Variants in CCDC73 observed in about 807,000 individuals in gnomAD.
CCDC73 encodes the protein coiled-coil domain containing 73.
CCDC73 carries 95 observed loss-of-function variants against 116.5 expected under a neutral mutation model. The ratio of observed to expected loss-of-function variants is 0.82; its 90% CI spans 0.69 to 0.97. The LOEUF (loss-of-function observed/expected upper bound fraction) is 0.97. CCDC73 is among the 50% of genes least tolerant of loss of function. The probability of loss-of-function intolerance (pLI) is 0.00; values close to 1 mark genes in which losing one functional copy is unlikely to be tolerated. For missense variants in CCDC73, 1,066 were observed against 1,206.8 expected (o/e 0.88, Z 1.73); for synonymous variants, 398 against 401.3 (o/e 0.99, Z 0.10).
intron 14 of CCDC73, among the ~76,000 whole-genome samples, chr11:32,632,272 C>T (rs566318854): frequency 1.3e-3 from 203 of 152,308 alleles, no homozygotes; most frequent in Admixed American, 3.5e-3. Context: ...GTAGCCCAAG[C>T]TGGGGTGCAG....
intron 2 of CCDC73, among the ~76,000 whole-genome samples, chr11:32,727,624 G>C (rs2089694): frequency 2.6e-5 from 4 of 151,942 alleles, no homozygotes; most frequent in Admixed American, 2.6e-4. Flanking sequence ...CCAGGCTGGA[G>C]CGCAGTGGCG....
At chr11:32,625,815 T>G (rs1360654666) in intron 14 of CCDC73, among the ~76,000 whole-genome samples, 1 of 152,010 alleles carries the variant, frequency 6.6e-6, no homozygotes, top group Non-Finnish European at 1.5e-5. Flanking sequence ...AATTAGGTAT[T>G]GATGGGACGT....
rs1849961353 is a variant in CCDC73, at chr11:32,718,130, A to C, written c.153T>G (p.Tyr51Ter). 1 of 1,604,620 alleles carries C rather than the reference A, an allele frequency of 6.2e-7. No homozygotes were observed. Among genetic ancestry groups the C allele is most frequent in the Non-Finnish European group, 8.5e-7 (1 of 1,176,508 alleles). The change falls in exon 3 of 18, where the codon TAT becomes TAG. Residue 51 changes from tyrosine to a stop codon, truncating the protein, a stop_gained. Coordinates refer to ENST00000335185, the MANE Select transcript of CCDC73 (RefSeq NM_001008391.4). LOFTEE classifies it high-confidence loss of function. Reference protein sequence around the residue: ...LRMRREAEIHYEEQIGKIIVE... With the variant: ...LRMRREAEIH ...CAATAATTTTACCAATCTGCTCTTC[A>C]TAATGAATTTCTGCTTCCTAAGTCA...
intron 9 of CCDC73, among the ~76,000 whole-genome samples, chr11:32,667,087 C>A (rs1288026134): frequency 6.6e-6 from 1 of 152,204 alleles, no homozygotes; most frequent in East Asian, 1.9e-4. Flanking sequence ...GGGTGTGCCC[C>A]CCAGTTAGGC....
intron 12 of CCDC73, among the ~76,000 whole-genome samples, chr11:32,652,313 A>T (rs1855832654): frequency 1.3e-5 from 2 of 148,838 alleles, no homozygotes; most frequent in African/African-American, 5.0e-5. Context: ...CAAACAAAAA[A>T]AAAAGAAAGA....
chr11:32,737,617 C>CAA (rs35749199), intron 2 of CCDC73, among the ~76,000 whole-genome samples: 5,889 of 118,836 alleles, frequency 0.05, 119 homozygotes, highest in African/African-American at 0.06. Context: ...GACTGTGTCT[C>CAA]AAAAAAAAAA....
chr11:32,677,663 C>A (rs1052926615), intron 7 of CCDC73, among the ~76,000 whole-genome samples: 1 of 151,968 alleles, frequency 6.6e-6, no homozygotes, highest in African/African-American at 2.4e-5. Context: ...TGCTTAAAAC[C>A]AAAGTACAGG....
At chr11:32,648,887 C>G (rs1855802255) in intron 12 of CCDC73, among the ~76,000 whole-genome samples, 1 of 152,078 alleles carries the variant, frequency 6.6e-6, no homozygotes, top group Admixed American at 6.6e-5. Context: ...GTTTCCTGGC[C>G]TTTTGGCTAA....
chr11:32,811,083 A>AC, the CCDC73 span, among the ~76,000 whole-genome samples: 2 of 148,782 alleles, frequency 1.3e-5, no homozygotes, highest in Non-Finnish European at 3.0e-5. Flanking sequence ...ACAACAAAAA[A>AC]AAAAAACCTC....
At chr11:32,632,582 G>A (rs1318305493) in intron 14 of CCDC73, among the ~76,000 whole-genome samples, 1 of 152,024 alleles carries the variant, frequency 6.6e-6, no homozygotes, top group African/African-American at 2.4e-5. Context: ...TATTGTCCAA[G>A]TCTTCTGTAT....
intron 9 of CCDC73, among the ~76,000 whole-genome samples, chr11:32,664,646 AT>A (rs1156659777): frequency 6.6e-6 from 1 of 152,006 alleles, no homozygotes; most frequent in African/African-American, 2.4e-5. Context: ...ATTCAATGAT[AT>A]TTTTGAAGGG....
chr11:32,682,276 G>A (rs184753079), intron 7 of CCDC73: 12 of 151,956 alleles, frequency 7.9e-5, no homozygotes, highest in Admixed American at 2.6e-4. Flanking sequence ...CCACTGTAGC[G>A]TTGAAGATGA....
In CCDC73 at chr11:32,683,592, A is replaced by T. The variant is rs1161754932; in HGVS notation, c.391-18T>A. On this transcript the variant is annotated intron_variant, in intron 6 of 17. Transcript: ENST00000335185. ...TTAGAAACCTTGAAAAATAAGGGGG[A>T]AAAATCTCATTAAAATACTTTAATT... The T allele has an allele frequency of 4.3e-6, 6 of 1,382,162 alleles. No homozygotes were observed. The highest frequency in any genetic ancestry group is 6.1e-6 in the Non-Finnish European group (6 of 988,534). The allele number at this position is 1,382,162 out of a possible 1,614,324, so 85.6% of individuals were successfully genotyped here. A position where few individuals can be genotyped will look rare whatever the true frequency, so the allele number is the denominator to read the frequency against.
intron 6 of CCDC73, among the ~76,000 whole-genome samples, chr11:32,683,959 G>C (rs973531889): frequency 3.3e-5 from 5 of 152,172 alleles, no homozygotes; most frequent in African/African-American, 1.2e-4. Context: ...AGTTTTTAAA[G>C]AACAAGCATA....
At chr11:32,830,562 GC>G in the CCDC73 span, 3 of 1,607,092 alleles carry the variant, frequency 1.9e-6, no homozygotes, top group Non-Finnish European at 2.5e-6. Context: ...TCAGCCAACT[GC>G]CCACAGTTAC....
chr11:32,618,766 G>A (rs1049403319), intron 14 of CCDC73, among the ~76,000 whole-genome samples: 11 of 152,174 alleles, frequency 7.2e-5, no homozygotes, highest in South Asian at 2.1e-4. Flanking sequence ...TGGCCAGCCT[G>A]GTCTTGAACT....
At chr11:32,783,000 T>C (rs1850596509) in intron 1 of CCDC73, among the ~76,000 whole-genome samples, 1 of 151,816 alleles carries the variant, frequency 6.6e-6, no homozygotes, top group East Asian at 1.9e-4. Flanking sequence ...AACAAAGAAA[T>C]TGGAGAAGAA....
intron 9 of CCDC73, among the ~76,000 whole-genome samples, chr11:32,664,572 C>G (rs1383143725): frequency 1.3e-5 from 2 of 152,002 alleles, no homozygotes; most frequent in Non-Finnish European, 2.9e-5. Flanking sequence ...CTTCTCTTTT[C>G]TTTTTTATTA....
chr11:32,672,410 T>C (rs1192275735), intron 9 of CCDC73, among the ~76,000 whole-genome samples: 5 of 152,180 alleles, frequency 3.3e-5, no homozygotes, highest in Non-Finnish European at 7.3e-5. Context: ...TGCAAAAAAT[T>C]AGTACAGAAT....
Sources: allele counts gnomAD v4.1 joint callset (sites outside exome capture counted in the v4.1 genomes callset), GRCh38; gene constraint gnomAD v4.1.1; transcripts MANE v1.5; gene names NCBI Gene and HGNC (gene_info 2026-07-23, HGNC 2026-07-21).